TPRG1L: variants seen among roughly 807,000 people sequenced by gnomAD.
TPRG1L encodes tumor protein p63 regulated 1 like.
Under a neutral mutation model 29.4 loss-of-function variants are expected in TPRG1L, and 25 were observed. The ratio of observed to expected loss-of-function variants is 0.85; its 90% CI spans 0.62 to 1.19. The LOEUF is 1.19. Ranked by LOEUF, TPRG1L falls within the 50% of genes most tolerant of loss-of-function variation. The pLI is 0.00. For synonymous variants in TPRG1L, 182 were observed against 151.1 expected, an observed-to-expected ratio of 1.20 and a Z score of -1.50; for missense variants, 354 against 364.4, an observed-to-expected ratio of 0.97 and a Z score of 0.23.
chr1:3,627,327 TAAAAAC>T (rs1463900470), intron 3 of TPRG1L, among the ~76,000 whole-genome samples, 167 bp from the exon 4 acceptor site: 1 of 132,120 alleles, frequency 7.6e-6, no homozygotes, highest in Non-Finnish European at 1.5e-5. Context: ...TAAAAATAAA[TAAAAAC>T]AAAAATAAAA....
rs762063415 is a variant in TPRG1L, at chr1:3,625,710, C to A, written c.294-3C>A. On this transcript the variant is annotated splice_polypyrimidine_tract_variant and splice_region_variant and intron_variant, in intron 2 of 4. Transcript: ENST00000378344. ...TGGACTGAGGCCCCTCCTCTGCCTA[C>A]AGGGTGGATCACTGGAACAATGAGA... 2.5e-6 allele frequency: 4 copies of A among 1,610,594 alleles called. No individual in the cohort carries two copies. In the South Asian group the frequency reaches 4.4e-5, roughly 18 times the overall value.
Position 3,627,584 on chromosome 1 carries a change from C to T in TPRG1L, c.555C>T (p.Asn185=), listed in dbSNP as rs771431051. 2.2e-5 allele frequency: 35 copies of T among 1,613,964 alleles called. No homozygotes were observed. In the South Asian group the frequency reaches 2.9e-4, roughly 13 times the overall value. ...ACAGATGGAATCCCTGGTCTACCAACGTGCCCTATGCCACTTTCACAGAAC... is the reference window on the plus strand; with the variant it reads ...ACAGATGGAATCCCTGGTCTACCAATGTGCCCTATGCCACTTTCACAGAAC... ...FINRWNPWST[N]VPYATFTEHP... The change falls in exon 4 of 5, where the codon AAC becomes AAT. Residue 185 remains asparagine (N), a synonymous_variant. Coordinates refer to ENST00000378344, the MANE Select transcript of TPRG1L (RefSeq NM_182752.4).
chr1:3,628,558 G>A lies in TPRG1L; in HGVS notation c.774G>A (p.Glu258=), dbSNP rs769383303. ...YVGLMSFINN[E]AKLGYSMTRG... is the part of the protein sequence containing the mutation. ...GACTCATGTCCTTCATTAACAACGA[G>A]GCGAAACTGGGCTACTCCATGACCA... The change falls in exon 5 of 5, where the codon GAG becomes GAA. Residue 258 remains glutamate (E), a synonymous_variant. Coordinates refer to ENST00000378344, the MANE Select transcript of TPRG1L (RefSeq NM_182752.4). The A allele has an allele frequency of 2.5e-6, 4 of 1,612,750 alleles. No homozygotes were observed. The highest frequency in any genetic ancestry group is 3.4e-6 in the Non-Finnish European group (4 of 1,179,326).
rs1441653618 is a variant in TPRG1L at position 3,628,358 on chromosome 1, C to T, written c.625-51C>T. ...AATGCTAATTTTTTCAAGTAATAGA[C>T]ATTCTTATCTTGCCTGACAGTTAAA... On this transcript the variant is annotated intron_variant, in intron 4 of 4. Transcript: ENST00000378344. 1.4e-5 allele frequency: 20 copies of T among 1,473,396 alleles called. No individual in the cohort carries two copies. In the East Asian group the frequency reaches 3.7e-4, roughly 27 times the overall value. The allele number at this position is 1,473,396 out of a possible 1,614,324, so 91.3% of individuals were successfully genotyped here.
At chr1:3,627,316 A>G (rs1326279554) in intron 3 of TPRG1L, among the ~76,000 whole-genome samples, 184 bp from the exon 4 acceptor site, 1 of 148,556 alleles carries the variant, frequency 6.7e-6, no homozygotes, top group Non-Finnish European at 1.5e-5. Flanking sequence ...ATCTCAAAAA[A>G]TAAAAATAAA....
rs1557449781 is a variant in TPRG1L at position 3,628,456 on chromosome 1, AAAAG to A, written c.677_680del (p.Glu226AlafsTer11). On this transcript the variant is annotated frameshift_variant, in exon 5 of 5. Coordinates refer to ENST00000378344, the MANE Select transcript of TPRG1L (RefSeq NM_182752.4). LOFTEE classifies it high-confidence loss of function. ...TAATCCAAGCTGTCAAAAAAGCCCAAAAAGAAAGCCCTTTGCCAGGACAGGCGAA... is the reference window on the plus strand; with the variant it reads ...TAATCCAAGCTGTCAAAAAAGCCCAAAAAGCCCTTTGCCAGGACAGGCGAA... 6.2e-7 allele frequency: 1 copy of A among 1,613,284 alleles called. No homozygotes were observed. The highest frequency in any genetic ancestry group is 8.5e-7 in the Non-Finnish European group (1 of 1,179,408).
intron 2 of TPRG1L, 34 bp downstream of exon 2, chr1:3,625,549 A>T (rs1217513185): frequency 6.7e-7 from 1 of 1,494,384 alleles, no homozygotes; most frequent in East Asian, 2.4e-5. Flanking sequence ...TGGTGGGGGG[A>T]CTCGCCCCGA....
At chr1:3,627,218 G>A (rs1400895861) in intron 3 of TPRG1L, among the ~76,000 whole-genome samples, 1 of 152,128 alleles carries the variant, frequency 6.6e-6, no homozygotes, top group Non-Finnish European at 1.5e-5. Flanking sequence ...GCTGAGTTGG[G>A]AGAATCGCTT....
Position 3,625,513 on chromosome 1 carries a change from C to T in TPRG1L, c.291C>T (p.Thr97=). Residue 97 remains threonine (T), a splice_region_variant and synonymous_variant, in exon 2 of 5, where the codon ACC becomes ACT. Transcript: ENST00000378344. ...AGATCCAGGGAGTGTGGCTGCTTAC[C>T]GAGTAAGCCGGGGCTGCGCTCTCCT... ...DGEIQGVWLL[T]EVDHWNNEKE... 2 of 1,601,440 alleles carry T rather than the reference C, an allele frequency of 1.2e-6. No individual in the cohort carries two copies. The highest frequency in any genetic ancestry group is 8.5e-7 in the Non-Finnish European group (1 of 1,175,438).
rs1401152868 is a variant in TPRG1L, at chr1:3,625,279, G to A, written c.201+6G>A. The stretch of plus-strand genomic sequence containing the variant: ...AGGAGTACTTCGTGTTCCGGGTGAG[G>A]CAGGGGCCAGGGCCGGGGCGGGGGC... On this transcript the variant is annotated splice_donor_region_variant and intron_variant, in intron 1 of 4. Transcript: ENST00000378344. 1 of 1,403,310 alleles carries A rather than the reference G, an allele frequency of 7.1e-7. No homozygotes were observed. Among genetic ancestry groups the A allele is most frequent in the Non-Finnish European group, 9.2e-7 (1 of 1,088,190 alleles). The allele number at this position is 1,403,310 out of a possible 1,614,324, so 86.9% of individuals were successfully genotyped here.
At chr1:3,625,554 C>T (rs374928082) in intron 2 of TPRG1L, 39 bp downstream of exon 2, 68 of 1,578,770 alleles carry the variant, frequency 4.3e-5, no homozygotes, top group Non-Finnish European at 5.5e-5. Flanking sequence ...GGGGGACTCG[C>T]CCCGAGCCGC....
chr1:3,625,228 C>T lies in TPRG1L; in HGVS notation c.156C>T (p.His52=), dbSNP rs1411110785. Residue 52 remains histidine (H), a synonymous_variant, in exon 1 of 5, where the codon CAC becomes CAT. Transcript: ENST00000378344. Reference sequence around the variant, plus strand: ...AGACACTCTGGCCTCTCAGCATCCACGACCCCACGCGCCGCGCCCGCGTCA... The same window carrying T: ...AGACACTCTGGCCTCTCAGCATCCATGACCCCACGCGCCGCGCCCGCGTCA... ...LRQTLWPLSI[H]DPTRRARVKE... is the part of the protein sequence containing the mutation. 7.4e-6 allele frequency: 10 copies of T among 1,358,462 alleles called. No homozygotes were observed. The Admixed American group carries it at 4.0e-4, about 54-fold the overall frequency. The allele number at this position is 1,358,462 out of a possible 1,614,324, so 84.2% of individuals were successfully genotyped here.
intron 4 of TPRG1L, 106 bp from the exon 5 acceptor site, chr1:3,628,303 G>T (rs931157618): frequency 3.1e-6 from 3 of 976,440 alleles, no homozygotes; most frequent in Non-Finnish European, 4.6e-6. Flanking sequence ...GAAGAGATAG[G>T]CGGCATTTGG....
chr1:3,625,883 T>C lies in TPRG1L; in HGVS notation c.464T>C (p.Leu155Pro). 3.7e-6 allele frequency: 6 copies of C among 1,610,508 alleles called. No homozygotes were observed. The highest frequency in any genetic ancestry group is 5.1e-6 in the Non-Finnish European group (6 of 1,179,216). ...GAATTCCAGTTTCCCCCTAAATCGC[T>C]CAACAAGTAAGCCTGTTCAGAGTCC... ...YGEFQFPPKS[L>P]NKREGFGIRI... Residue 155 changes from leucine (L) to proline (P), a missense_variant, in exon 3 of 5, where the codon CTC (leucine) becomes CCC (proline). Physicochemically the swap from Leu to Pro is moderately conservative, Grantham distance 98. Coordinates refer to ENST00000378344, the MANE Select transcript of TPRG1L (RefSeq NM_182752.4).
At chr1:3,625,934 G>A in intron 3 of TPRG1L, 45 bp downstream of exon 3, 2 of 1,555,450 alleles carry the variant, frequency 1.3e-6, no homozygotes, top group Non-Finnish European at 1.7e-6. Context: ...AAGCACCAGA[G>A]TGGACCTTAC....
chr1:3,628,441 T>C lies in TPRG1L; in HGVS notation c.657T>C (p.Ala219=), dbSNP rs756159707. ...GCTTCAAGGCTCTGTTAATCCAAGC[T>C]GTCAAAAAAGCCCAAAAAGAAAGCC... The part of the protein sequence containing the change: ...LESFKALLIQ[A]VKKAQKESPL... The change falls in exon 5 of 5, where the codon GCT becomes GCC. Residue 219 remains alanine (A), a synonymous_variant. Coordinates refer to ENST00000378344, the MANE Select transcript of TPRG1L (RefSeq NM_182752.4). The C allele has an allele frequency of 6.2e-7, 1 of 1,612,438 alleles. No homozygotes were observed. Among genetic ancestry groups the C allele is most frequent in the East Asian group, 2.2e-5 (1 of 44,832 alleles).
intron 4 of TPRG1L, among the ~76,000 whole-genome samples, chr1:3,628,137 C>T (rs1644502131): frequency 6.6e-6 from 1 of 152,208 alleles, no homozygotes; most frequent in Non-Finnish European, 1.5e-5. Flanking sequence ...CAAAGCCACT[C>T]AGCCCTGTAT....
rs1238854804 is a variant in TPRG1L at position 3,629,195 on chromosome 1, GA to G, written c.*593del. 6.6e-6 allele frequency: 1 copy of G among 152,186 alleles called. No homozygotes were observed. The highest frequency in any genetic ancestry group is 1.5e-5 in the Non-Finnish European group (1 of 68,026). 9.4% of individuals were successfully genotyped at this position (152,186 alleles called of 1,614,324 possible). On this transcript the variant is annotated 3_prime_UTR_variant, in exon 5 of 5. Coordinates refer to ENST00000378344, the MANE Select transcript of TPRG1L (RefSeq NM_182752.4). ...ACCCGCTGCTCTTTTGGAAATGGGT[GA>G]CCTGAAGTGACACTTTTTCCACAAT... is the stretch of plus-strand genomic sequence containing the variant.
In TPRG1L at chr1:3,628,786, C is replaced by A. The variant is rs998414220; in HGVS notation, c.*183C>A. ...CACAATTAGAATCGTAAAGTGAATT[C>A]TATCTATTTAATTGGATATTGGACT... On this transcript the variant is annotated 3_prime_UTR_variant, in exon 5 of 5. Coordinates refer to ENST00000378344, the MANE Select transcript of TPRG1L (RefSeq NM_182752.4). 2.1e-5 allele frequency: 12 copies of A among 560,582 alleles called. No homozygotes were observed. Among genetic ancestry groups the A allele is most frequent in the Non-Finnish European group, 3.7e-5 (12 of 327,132 alleles). 34.7% of individuals were successfully genotyped at this position (560,582 alleles called of 1,614,324 possible). A position where few individuals can be genotyped will look rare whatever the true frequency, so the allele number is the denominator to read the frequency against.
Sources: gnomAD v4.1 joint callset for allele counts (sites outside exome capture counted in the v4.1 genomes callset) on GRCh38, gnomAD v4.1.1 for gene constraint, MANE v1.5 for transcripts, NCBI Gene and HGNC (gene_info 2026-07-23, HGNC 2026-07-21) for gene names.